The following TMEM161B variants were observed in gnomAD, a reference collection of about 807,000 sequenced individuals.
TMEM161B encodes the protein transmembrane protein 161B.
A neutral mutation model predicts 61.8 loss-of-function variants in TMEM161B; 34 were observed. That is an observed-to-expected ratio of 0.55 (90% CI 0.42 to 0.73). The LOEUF (loss-of-function observed/expected upper bound fraction) is 0.73. TMEM161B is among the 30% of genes least tolerant of loss of function. The probability of loss-of-function intolerance (pLI) is 0.00; values close to 1 mark genes in which losing one functional copy is unlikely to be tolerated. For missense variants in TMEM161B, 456 were observed against 558.5 expected (o/e 0.82, Z 1.85); for synonymous variants, 167 against 192.8 (o/e 0.87, Z 1.11).
chr5:88,244,218 T>G (rs1753226683), intron 1 of TMEM161B, among the ~76,000 whole-genome samples: 1 of 151,968 alleles, frequency 6.6e-6, no homozygotes, highest in Non-Finnish European at 1.5e-5. Context: ...AGGTCTTATG[T>G]CCAGGATAGT....
At chr5:88,188,043 C>T (rs544349975), downstream of TMEM161B, among the ~76,000 whole-genome samples, 22 of 152,060 alleles carry the variant, frequency 1.4e-4, no homozygotes, top group African/African-American at 5.3e-4. Context: ...ATTTTGTTCT[C>T]TTTCTTATCA....
At chr5:88,203,664 A>G (rs1301165428) in intron 8 of TMEM161B, among the ~76,000 whole-genome samples, 2 of 149,170 alleles carry the variant, frequency 1.3e-5, no homozygotes, top group Non-Finnish European at 3.0e-5. Flanking sequence ...ATAATTTTTA[A>G]CTTCCATTGT....
In TMEM161B at chr5:88,197,754, G is replaced by C. The variant is rs775237787; in HGVS notation, c.1101C>G (p.Val367=). 6.2e-7 allele frequency: 1 copy of C among 1,612,106 alleles called. No homozygotes were observed. Among genetic ancestry groups the C allele is most frequent in the Non-Finnish European group, 8.5e-7 (1 of 1,178,874 alleles). The change falls in exon 11 of 12, where the codon GTC becomes GTG. Residue 367 remains valine (V), a synonymous_variant. Transcript: ENST00000296595. ...TVELQKMVAR[V]FYYLCVIALQ... The stretch of plus-strand genomic sequence containing the variant: ...GTGCAATGACACAAAGATAATAAAA[G>C]ACTCGAGCCACCTGCAACCAACAAC...
intron 1 of TMEM161B, among the ~76,000 whole-genome samples, chr5:88,268,483 A>T (rs986228787): frequency 6.6e-6 from 1 of 152,148 alleles, no homozygotes; most frequent in Non-Finnish European, 1.5e-5. Context: ...TACCCAGTCC[A>T]TACTCCCTGA....
chr5:88,186,312 C>T (rs1180178051), downstream of TMEM161B, among the ~76,000 whole-genome samples: 2 of 152,144 alleles, frequency 1.3e-5, no homozygotes, highest in Non-Finnish European at 2.9e-5. Context: ...ACTAGTCAGC[C>T]TTTAACGTGG....
chr5:88,234,953 A>G (rs1040199016), intron 2 of TMEM161B, among the ~76,000 whole-genome samples: 8 of 152,166 alleles, frequency 5.3e-5, no homozygotes, highest in Admixed American at 1.3e-4. Context: ...CTTTCAGTAC[A>G]TAGCTTTTAC....
chr5:88,221,712 T>C, intron 4 of TMEM161B: 1 of 456,222 alleles, frequency 2.2e-6, no homozygotes, highest in Non-Finnish European at 4.4e-6. Flanking sequence ...CTGGTTTACT[T>C]CTACCAGAGT....
chr5:88,199,247 T>A lies in TMEM161B; in HGVS notation c.915-97A>T, dbSNP rs1450511661. On this transcript the variant is annotated intron_variant, in intron 9 of 11. Transcript: ENST00000296595. ...GTCACCATATAAGATATAAGAAGTC[T>A]ATACTTCGCAACAGTTAGACACATA... 1.9e-5 allele frequency: 24 copies of A among 1,235,358 alleles called. No homozygotes were observed. In the Admixed American group the frequency reaches 6.7e-4, roughly 34 times the overall value. The allele number at this position is 1,235,358 out of a possible 1,614,324, so 76.5% of individuals were successfully genotyped here.
At chr5:88,249,196 T>C (rs1284070224) in intron 1 of TMEM161B, among the ~76,000 whole-genome samples, 1 of 151,974 alleles carries the variant, frequency 6.6e-6, no homozygotes, top group African/African-American at 2.4e-5. Flanking sequence ...AAGCTGTCCA[T>C]GGGAGGGAAA....
At chr5:88,201,088 C>T (rs1052336602) in intron 9 of TMEM161B, 9 of 151,696 alleles carry the variant, frequency 5.9e-5, no homozygotes, top group African/African-American at 1.7e-4. Context: ...AACTTAACCA[C>T]GAATTCAAAT....
chr5:88,229,208 T>A (rs1439591253), intron 2 of TMEM161B, among the ~76,000 whole-genome samples: 1 of 152,210 alleles, frequency 6.6e-6, no homozygotes, highest in Non-Finnish European at 1.5e-5. Context: ...TCATCCTGAA[T>A]TTCATGGCTT....
At chr5:88,225,061 G>A (rs1006781631) in intron 4 of TMEM161B, among the ~76,000 whole-genome samples, 31 of 140,312 alleles carry the variant, frequency 2.2e-4, no homozygotes, top group South Asian at 9.4e-4. Flanking sequence ...TCCGCCTCCC[G>A]GGTTCACGTC....
intron 1 of TMEM161B, among the ~76,000 whole-genome samples, chr5:88,257,112 T>C (rs965605661): frequency 2.0e-5 from 3 of 151,738 alleles, no homozygotes; most frequent in African/African-American, 7.3e-5. Flanking sequence ...CTAGTAAAAA[T>C]ACAAAAATTA....
At chr5:88,206,998 A>G in intron 6 of TMEM161B, 31 bp downstream of exon 6, 1 of 1,603,244 alleles carries the variant, frequency 6.2e-7, no homozygotes, top group Non-Finnish European at 8.5e-7. Flanking sequence ...ATAAAGCAAA[A>G]TTGATTTTTA....
At position 88,242,545 on chromosome 5, in the gene TMEM161B, C is replaced by T. The variant is rs528697473; in HGVS notation, c.4-1629G>A. Among the ~76,000 whole-genome samples the T allele has an allele frequency of 6.9e-5, 10 of 145,284 alleles. No individual in the cohort carries two copies. In the South Asian group the frequency reaches 2.4e-3, roughly 34 times the overall value. ...TTGGTTTAAGAGAATGGATTCTGAA[C>T]CCAAACTGCATGAGTTAGAAGCTGG... On this transcript the variant is annotated intron_variant, in intron 1 of 11. Transcript: ENST00000296595.
At chr5:88,208,355 G>A (rs1439132987) in intron 5 of TMEM161B, among the ~76,000 whole-genome samples, 2 of 152,210 alleles carry the variant, frequency 1.3e-5, no homozygotes, top group Non-Finnish European at 2.9e-5. Context: ...GGGGGCGGGC[G>A]CCTGTAGTCA....
chr5:88,212,971 A>T (rs1158889680), intron 5 of TMEM161B, among the ~76,000 whole-genome samples: 1 of 152,206 alleles, frequency 6.6e-6, no homozygotes, highest in Non-Finnish European at 1.5e-5. Flanking sequence ...TTTAAAATAG[A>T]TCACATTTCC....
chr5:88,204,973 T>C (rs1482348559), intron 8 of TMEM161B, among the ~76,000 whole-genome samples: 1 of 150,078 alleles, frequency 6.7e-6, no homozygotes, highest in African/African-American at 2.4e-5. Context: ...TGTTAGGAAA[T>C]AAGATTACCC....
At chr5:88,216,436 T>C in intron 5 of TMEM161B, among the ~76,000 whole-genome samples, 1 of 152,236 alleles carries the variant, frequency 6.6e-6, no homozygotes, top group East Asian at 1.9e-4. Flanking sequence ...TATTTAATAC[T>C]ACAGAATTAA....
Sources: gnomAD v4.1 joint callset for allele counts (sites outside exome capture counted in the v4.1 genomes callset) on GRCh38, gnomAD v4.1.1 for gene constraint, MANE v1.5 for transcripts, NCBI Gene and HGNC (gene_info 2026-07-23, HGNC 2026-07-21) for gene names.